RAP1GDS1: variants seen among roughly 807,000 people sequenced by gnomAD.
RAP1GDS1 encodes Rap1 GTPase-GDP dissociation stimulator 1.
In RAP1GDS1, 35 loss-of-function variants were observed where a neutral mutation model predicts 71.1. The ratio of observed to expected loss-of-function variants is 0.49; its 90% confidence interval spans 0.38 to 0.65. The LOEUF (loss-of-function observed/expected upper bound fraction) is 0.65. RAP1GDS1 is among the 30% of genes least tolerant of loss of function. The probability of loss-of-function intolerance (pLI) is 0.00; values close to 1 mark genes in which losing one functional copy is unlikely to be tolerated. For synonymous variants in RAP1GDS1, 229 were observed against 243.1 expected (o/e 0.94, Z 0.54); for missense variants, 663 against 706.1 (o/e 0.94, Z 0.69).
At chr4:98,441,122 C>T (rs1357531149) in intron 14 of RAP1GDS1, among the ~76,000 whole-genome samples, 2 of 152,090 alleles carry the variant, frequency 1.3e-5, no homozygotes, top group East Asian at 3.9e-4. Context: ...ATTTAGGGTC[C>T]CTTGAGATTC....
intron 6 of RAP1GDS1, among the ~76,000 whole-genome samples, chr4:98,393,960 G>A (rs1293609486): frequency 6.6e-6 from 1 of 151,888 alleles, no homozygotes; most frequent in Non-Finnish European, 1.5e-5. Flanking sequence ...TATTTCTGTT[G>A]GACAGTGGTG....
At chr4:98,391,205 G>A (rs915430888) in intron 5 of RAP1GDS1, among the ~76,000 whole-genome samples, 1 of 152,022 alleles carries the variant, frequency 6.6e-6, no homozygotes, top group African/African-American at 2.4e-5. Flanking sequence ...GAAATCCAAG[G>A]CATGTTTAGT....
At chr4:98,378,004 A>G (rs1445459410) in intron 4 of RAP1GDS1, among the ~76,000 whole-genome samples, 2 of 151,910 alleles carry the variant, frequency 1.3e-5, no homozygotes, top group East Asian at 1.9e-4. Context: ...ATTGATTTGC[A>G]TATCAGAGTG....
rs1307968178 is a variant in RAP1GDS1 at position 98,275,388 on chromosome 4, A to G, written c.4+13819A>G. 2.6e-5 allele frequency among the ~76,000 whole-genome samples: 4 copies of G among 152,264 alleles called. No homozygotes were observed. In the East Asian group the frequency reaches 7.7e-4, roughly 29 times the overall value. ...GTGTAAAGTGAATCATTCTGTTACA[A>G]CCCCTCAACTCTGCTATCATAATGC... On this transcript the variant is annotated intron_variant, in intron 1 of 14. Coordinates refer to ENST00000408927, the MANE Select transcript of RAP1GDS1 (RefSeq NM_001100427.2).
chr4:98,326,957 A>G (rs1469540258), intron 2 of RAP1GDS1, among the ~76,000 whole-genome samples: 1 of 152,184 alleles, frequency 6.6e-6, no homozygotes, highest in Non-Finnish European at 1.5e-5. Context: ...TGCCACACAC[A>G]GACGAGGAGA....
At chr4:98,261,650 G>T (rs1452676222) in intron 1 of RAP1GDS1, 81 bp downstream of exon 1, 1 of 1,496,634 alleles carries the variant, frequency 6.7e-7, no homozygotes, top group African/African-American at 1.4e-5. Context: ...CATTTCTCGC[G>T]CAAAGTTGCC....
intron 2 of RAP1GDS1, among the ~76,000 whole-genome samples, chr4:98,330,574 A>G (rs1445596079): frequency 8.2e-6 from 1 of 121,346 alleles, no homozygotes; most frequent in African/African-American, 3.2e-5. Flanking sequence ...CGCTCCTCAC[A>G]TCCCAGACGG....
At chr4:98,361,836 A>G (rs759893567) in intron 4 of RAP1GDS1, among the ~76,000 whole-genome samples, 6 of 152,212 alleles carry the variant, frequency 3.9e-5, no homozygotes, top group African/African-American at 9.6e-5. Flanking sequence ...TAATGTCACA[A>G]AATTGCAAAT....
intron 2 of RAP1GDS1, among the ~76,000 whole-genome samples, chr4:98,300,430 T>G (rs1046453411): frequency 2.0e-5 from 3 of 151,844 alleles, no homozygotes; most frequent in Non-Finnish European, 4.4e-5. Context: ...GGCGGAGTCT[T>G]GCACTGTCAC....
chr4:98,418,924 C>T, intron 10 of RAP1GDS1, 133 bp downstream of exon 10: 1 of 923,072 alleles, frequency 1.1e-6, no homozygotes, highest in Non-Finnish European at 1.5e-6. Context: ...ACATTGTTCA[C>T]ATTTTTTCAT....
At position 98,404,517 on chromosome 4, in the gene RAP1GDS1, A is replaced by T; in HGVS notation, c.678A>T (p.Glu226Asp). The T allele has an allele frequency of 6.2e-7, 1 of 1,608,824 alleles. No individual in the cohort carries two copies. The highest frequency in any genetic ancestry group is 8.5e-7 in the Non-Finnish European group (1 of 1,177,830). The part of the protein sequence containing the change: ...KEQFASTNIA[E>D]ELVKLFKKQI... ...AGTTTGCCAGTACAAACATTGCTGA[A>T]GAGCTAGTAAAACTCTTCAAGAAAC... Residue 226 changes from glutamate (E) to aspartate (D), a missense_variant, in exon 7 of 15, where the codon GAA (glutamate) becomes GAT (aspartate). Transcript: ENST00000408927.
At position 98,437,061 on chromosome 4, in the gene RAP1GDS1, G is replaced by C. The variant is rs778178826; in HGVS notation, c.1689G>C (p.Met563Ile). The C allele has an allele frequency of 6.3e-7, 1 of 1,599,806 alleles. No individual in the cohort carries two copies. Residue 563 changes from methionine to isoleucine, a missense_variant, in exon 14 of 15, where the codon ATG becomes ATC. Transcript: ENST00000408927. ...YNSMVLICAL[M>I]GSECLHKEVQ... ...CCATGGTCCTGATATGTGCTCTTAT[G>C]GGATCTGGTAAGTATTCTTCTATCA...
chr4:98,287,150 G>A (rs1726167840), intron 1 of RAP1GDS1, among the ~76,000 whole-genome samples: 1 of 152,062 alleles, frequency 6.6e-6, no homozygotes. Flanking sequence ...GAGTATCCTA[G>A]CATAATTTCC....
At chr4:98,301,408 A>G (rs1728570087) in intron 2 of RAP1GDS1, among the ~76,000 whole-genome samples, 1 of 152,214 alleles carries the variant, frequency 6.6e-6, no homozygotes, top group South Asian at 2.1e-4. Flanking sequence ...GGATTGCCAT[A>G]GGATGGTGGT....
intron 1 of RAP1GDS1, among the ~76,000 whole-genome samples, chr4:98,270,885 C>T (rs1260665664): frequency 6.6e-6 from 1 of 152,156 alleles, no homozygotes; most frequent in Non-Finnish European, 1.5e-5. Flanking sequence ...TGATGACCCA[C>T]TTCCCATGTA....
chr4:98,360,830 G>A (rs1191707066), intron 4 of RAP1GDS1, among the ~76,000 whole-genome samples: 1 of 152,074 alleles, frequency 6.6e-6, no homozygotes, highest in Non-Finnish European at 1.5e-5. Context: ...CCATCATTTT[G>A]GGAGGGCGAG....
At position 98,404,531 on chromosome 4, in the gene RAP1GDS1, T is replaced by G; in HGVS notation, c.692T>G (p.Leu231Arg). Reference sequence around the variant, plus strand: ...AACATTGCTGAAGAGCTAGTAAAACTCTTCAAGAAACAAATAGAACATGAT... The same window carrying G: ...AACATTGCTGAAGAGCTAGTAAAACGCTTCAAGAAACAAATAGAACATGAT... ...STNIAEELVKLFKKQIEHDKR... is the reference protein window; with the variant it reads ...STNIAEELVKRFKKQIEHDKR... Residue 231 changes from leucine to arginine, a missense_variant, in exon 7 of 15, where the codon CTC (leucine) becomes CGC (arginine). Transcript: ENST00000408927. 1 of 1,608,726 alleles carries G rather than the reference T, an allele frequency of 6.2e-7. No individual in the cohort carries two copies. The highest frequency in any genetic ancestry group is 8.5e-7 in the Non-Finnish European group (1 of 1,177,712).
chr4:98,442,368 A>C lies in RAP1GDS1; in HGVS notation c.*251A>C, dbSNP rs139784465. The stretch of plus-strand genomic sequence containing the variant: ...TATTCCTGTTGCTTGAGCTACATTA[A>C]GTAGAATGTGCATGTTGTAGTCCTA... On this transcript the variant is annotated 3_prime_UTR_variant, in exon 15 of 15. Coordinates refer to ENST00000408927, the MANE Select transcript of RAP1GDS1 (RefSeq NM_001100427.2). The C allele has an allele frequency of 1.9e-3, 749 of 394,416 alleles. 6 individuals carry two copies. The highest frequency in any genetic ancestry group is 5.7e-3 in the South Asian group (115 of 20,222). 24.4% of individuals were successfully genotyped at this position (394,416 alleles called of 1,614,324 possible). A position where few individuals can be genotyped will look rare whatever the true frequency, so the allele number is the denominator to read the frequency against.
chr4:98,397,448 C>A (rs1229301907), intron 6 of RAP1GDS1, among the ~76,000 whole-genome samples: 1 of 152,038 alleles, frequency 6.6e-6, no homozygotes, highest in Non-Finnish European at 1.5e-5. Context: ...GCCTGCGTAA[C>A]ATAGTGAGAC....
Sources: allele counts gnomAD v4.1 joint callset (sites outside exome capture counted in the v4.1 genomes callset), GRCh38; gene constraint gnomAD v4.1.1; transcripts MANE v1.5; gene names NCBI Gene and HGNC (gene_info 2026-07-23, HGNC 2026-07-21).